The following GOLM2 variants were observed in gnomAD, a reference collection of about 807,000 sequenced individuals.
GOLM2 encodes the protein protein GOLM2.
A neutral mutation model predicts 55.9 loss-of-function variants in GOLM2; 26 were observed. That is an observed-to-expected ratio of 0.47 (90% CI 0.34 to 0.65). GOLM2 has a LOEUF of 0.65. GOLM2 is among the 30% of genes least tolerant of loss of function. The pLI is 0.01. For synonymous variants in GOLM2, 165 were observed against 194.6 expected (o/e 0.85, Z 1.27); for missense variants, 486 against 531.8 (o/e 0.91, Z 0.85).
At chr15:44,395,295 A>T (rs1304715908) in intron 8 of GOLM2, among the ~76,000 whole-genome samples, 1 of 151,396 alleles carries the variant, frequency 6.6e-6, no homozygotes, top group Non-Finnish European at 1.5e-5. Flanking sequence ...AGCGTGAGCC[A>T]CTGCGCCCGG....
At chr15:44,369,067 T>TTATTTATA (rs2079307007) in intron 6 of GOLM2, among the ~76,000 whole-genome samples, 1 of 22,960 alleles carries the variant, frequency 4.4e-5, no homozygotes, top group Non-Finnish European at 8.1e-5. Flanking sequence ...ATAGGATATA[T>TTATTTATA]TATATATATA....
intron 8 of GOLM2, among the ~76,000 whole-genome samples, chr15:44,399,637 T>C (rs572132479): frequency 1.3e-5 from 2 of 152,334 alleles, no homozygotes; most frequent in East Asian, 3.9e-4. Flanking sequence ...TAGTAAATGA[T>C]ATATATTTTT....
intron 6 of GOLM2, among the ~76,000 whole-genome samples, chr15:44,348,097 G>A (rs2079137261): frequency 1.3e-5 from 2 of 152,098 alleles, no homozygotes; most frequent in African/African-American, 4.8e-5. Flanking sequence ...GAGACTCTGA[G>A]ACATGCTGGC....
chr15:44,362,108 G>C (rs983109550), intron 6 of GOLM2, among the ~76,000 whole-genome samples: 3 of 150,798 alleles, frequency 2.0e-5, no homozygotes, highest in African/African-American at 7.3e-5. Context: ...GCAAAAACTG[G>C]AAGCATTCCC....
chr15:44,302,452 T>A (rs961153956), intron 1 of GOLM2, among the ~76,000 whole-genome samples: 2 of 151,580 alleles, frequency 1.3e-5, no homozygotes, highest in Non-Finnish European at 2.9e-5. Flanking sequence ...GTGGTTCTAG[T>A]TTTTTTCTTG....
intron 8 of GOLM2, among the ~76,000 whole-genome samples, chr15:44,383,675 CTTTTTTT>C (rs761209421): frequency 1.6e-5 from 2 of 125,904 alleles, no homozygotes; most frequent in African/African-American, 6.0e-5. Context: ...TTCTTTTTTT[CTTTTTTT>C]TTTTTTTTTT....
intron 8 of GOLM2, among the ~76,000 whole-genome samples, chr15:44,391,350 T>TA (rs1172935092): frequency 3.3e-5 from 5 of 150,982 alleles, no homozygotes; most frequent in African/African-American, 7.3e-5. Context: ...CCGTCTCTAC[T>TA]AAAAAAAATA....
chr15:44,383,674 T>C (rs2079419991), intron 8 of GOLM2, among the ~76,000 whole-genome samples: 1 of 149,358 alleles, frequency 6.7e-6, no homozygotes, highest in Non-Finnish European at 1.5e-5. Flanking sequence ...TTTCTTTTTT[T>C]CTTTTTTTTT....
At chr15:44,389,530 A>G (rs1050533047) in intron 8 of GOLM2, among the ~76,000 whole-genome samples, 7 of 152,202 alleles carry the variant, frequency 4.6e-5, no homozygotes, top group African/African-American at 1.7e-4. Flanking sequence ...CCTGTCTCAA[A>G]TAAATAAATA....
chr15:44,330,425 A>C (rs1402910079), intron 3 of GOLM2, among the ~76,000 whole-genome samples: 1 of 147,404 alleles, frequency 6.8e-6, no homozygotes, highest in Non-Finnish European at 1.5e-5. Context: ...GAGCAGGAGA[A>C]TTGCTTGAAC....
chr15:44,366,296 C>CAAAA (rs34413737), intron 6 of GOLM2, among the ~76,000 whole-genome samples: 3 of 55,482 alleles, frequency 5.4e-5, no homozygotes, highest in Admixed American at 1.9e-4. Flanking sequence ...GACTCCGTCT[C>CAAAA]AAAAAAAAAA....
intron 6 of GOLM2, among the ~76,000 whole-genome samples, chr15:44,363,295 C>G (rs1199198118): frequency 2.6e-5 from 4 of 152,148 alleles, no homozygotes; most frequent in African/African-American, 9.7e-5. Context: ...ACCTGCTCAT[C>G]TGACAAAGGG....
intron 1 of GOLM2, among the ~76,000 whole-genome samples, chr15:44,293,360 T>A (rs1262312656): frequency 6.6e-6 from 1 of 152,258 alleles, no homozygotes; most frequent in East Asian, 1.9e-4. Context: ...CCAGTATTGA[T>A]ATCTTATTAT....
At chr15:44,407,880 T>C (rs1313347924) in intron 9 of GOLM2, among the ~76,000 whole-genome samples, 3 of 151,628 alleles carry the variant, frequency 2.0e-5, no homozygotes, top group African/African-American at 7.3e-5. Flanking sequence ...GCTTCCTGAG[T>C]AGCTGGGATT....
chr15:44,380,496 G>T (rs1260973273), intron 7 of GOLM2, among the ~76,000 whole-genome samples: 2 of 152,024 alleles, frequency 1.3e-5, no homozygotes, highest in Non-Finnish European at 2.9e-5. Context: ...GGGAGGAAAA[G>T]ATATGAGTAT....
chr15:44,293,508 A>G (rs1203233849), intron 1 of GOLM2, among the ~76,000 whole-genome samples: 2 of 151,862 alleles, frequency 1.3e-5, no homozygotes, highest in African/African-American at 4.8e-5. Context: ...TGTTTTTTAG[A>G]CCTTTTCTTG....
rs903630708 is a variant in GOLM2 at position 44,337,756 on chromosome 15, C to T, written c.577-7C>T. ...GAAAAATATTATTACCAAATTTTGT[C>T]TAACAGCAAGAGACCCAAAAGATTC... On this transcript the variant is annotated splice_polypyrimidine_tract_variant and splice_region_variant and intron_variant, in intron 4 of 9. Coordinates refer to ENST00000299957, the MANE Select transcript of GOLM2 (RefSeq NM_138423.4). 1 of 1,552,802 alleles carries T rather than the reference C, an allele frequency of 6.4e-7. No homozygotes were observed. Among genetic ancestry groups the T allele is most frequent in the African/African-American group, 1.4e-5 (1 of 70,530 alleles).
At chr15:44,384,725 C>T (rs183391407) in intron 8 of GOLM2, among the ~76,000 whole-genome samples, 234 of 147,272 alleles carry the variant, frequency 1.6e-3, no homozygotes, top group Non-Finnish European at 2.8e-3. Context: ...CCAGCCTGGG[C>T]GACAGAGCGA....
In GOLM2 at chr15:44,378,735, C is replaced by T. The variant is rs2079381662; in HGVS notation, c.803-955C>T. Among the ~76,000 whole-genome samples, 3 of 152,036 alleles carry T rather than the reference C, an allele frequency of 2.0e-5. No individual in the cohort carries two copies. The South Asian group carries it at 6.2e-4, about 32-fold the overall frequency. Reference sequence around the variant, plus strand: ...GTCTCACTGTTGAAGATCACTGTATCTGAAGAGATTCATTTTATTTATTTA... The same window carrying T: ...GTCTCACTGTTGAAGATCACTGTATTTGAAGAGATTCATTTTATTTATTTA... On this transcript the variant is annotated intron_variant, in intron 6 of 9. Coordinates refer to ENST00000299957, the MANE Select transcript of GOLM2 (RefSeq NM_138423.4).
Sources: gnomAD v4.1 joint callset for allele counts (sites outside exome capture counted in the v4.1 genomes callset) on GRCh38, gnomAD v4.1.1 for gene constraint, MANE v1.5 for transcripts, NCBI Gene and HGNC (gene_info 2026-07-23, HGNC 2026-07-21) for gene names.